The following MGAT5 variants were observed in gnomAD, a reference collection of about 807,000 sequenced individuals.
MGAT5 encodes alpha-1,6-mannosylglycoprotein 6-beta-N-acetylglucosaminyltransferase.
Under a neutral mutation model 94.3 loss-of-function variants are expected in MGAT5, and 30 were observed. The ratio of observed to expected loss-of-function variants is 0.32; its 90% CI spans 0.24 to 0.43. The LOEUF is 0.43. Among genes scored for constraint, MGAT5 ranks in the 20% least tolerant of loss-of-function variants. The pLI is 1.00. For synonymous variants in MGAT5, 310 were observed against 322.9 expected (o/e 0.96, Z 0.43); for missense variants, 691 against 905.5 (o/e 0.76, Z 3.04).
At chr2:134,340,303 T>C (rs779088901) in intron 6 of MGAT5, among the ~76,000 whole-genome samples, 2 of 152,162 alleles carry the variant, frequency 1.3e-5, no homozygotes, top group African/African-American at 2.4e-5. Flanking sequence ...AAGACAGAAG[T>C]TGTACCTGTT....
intron 1 of MGAT5, among the ~76,000 whole-genome samples, chr2:134,163,802 C>T (rs1475660414): frequency 6.6e-6 from 1 of 152,148 alleles, no homozygotes; most frequent in African/African-American, 2.4e-5. Flanking sequence ...CAGTTTGAGT[C>T]GAGGGGCTGT....
At chr2:134,197,569 T>C (rs1030087601) in intron 1 of MGAT5, among the ~76,000 whole-genome samples, 13 of 152,256 alleles carry the variant, frequency 8.5e-5, no homozygotes, top group African/African-American at 2.9e-4. Context: ...CTTGTTAGGC[T>C]AAGGAGGAAA....
chr2:134,274,563 C>T (rs747618), intron 2 of MGAT5, among the ~76,000 whole-genome samples: 16,602 of 151,940 alleles, frequency 0.11, 2,137 homozygotes, highest in African/African-American at 0.31. Flanking sequence ...TAGCTCTCTA[C>T]GGGGTAGTGT....
intron 14 of MGAT5, among the ~76,000 whole-genome samples, chr2:134,438,100 A>C (rs891120059): frequency 2.6e-5 from 4 of 152,190 alleles, no homozygotes; most frequent in Admixed American, 1.3e-4. Flanking sequence ...GCTGAGCACC[A>C]ACATGACACT....
intron 2 of MGAT5, among the ~76,000 whole-genome samples, chr2:134,291,352 ATAGCTAT>A (rs1209728463): frequency 6.6e-6 from 1 of 152,166 alleles, no homozygotes; most frequent in East Asian, 1.9e-4. Context: ...CAAGGAGAAG[ATAGCTAT>A]TAGCTAACCA....
At chr2:134,403,764 A>C (rs530183755) in intron 11 of MGAT5, among the ~76,000 whole-genome samples, 1 of 152,220 alleles carries the variant, frequency 6.6e-6, no homozygotes, top group African/African-American at 2.4e-5. Flanking sequence ...AAGCCAACCC[A>C]GCTAGTCTAA....
chr2:134,382,082 C>A (rs770327676), intron 10 of MGAT5, among the ~76,000 whole-genome samples: 8 of 151,986 alleles, frequency 5.3e-5, no homozygotes, highest in Non-Finnish European at 1.2e-4. Context: ...TGGAATCACC[C>A]GGAGAGCCAT....
chr2:134,377,414 C>T (rs1681253497), intron 10 of MGAT5, among the ~76,000 whole-genome samples: 1 of 152,152 alleles, frequency 6.6e-6, no homozygotes, highest in Non-Finnish European at 1.5e-5. Context: ...GATTCTTTCC[C>T]CCCATTATTT....
chr2:134,262,183 C>T (rs1683379273), intron 1 of MGAT5, among the ~76,000 whole-genome samples: 1 of 152,130 alleles, frequency 6.6e-6, no homozygotes, highest in African/African-American at 2.4e-5. Flanking sequence ...TATTAAGGCA[C>T]TTAGATTAAT....
chr2:134,186,136 A>G (rs1335536101), intron 1 of MGAT5, among the ~76,000 whole-genome samples: 1 of 152,258 alleles, frequency 6.6e-6, no homozygotes, highest in East Asian at 1.9e-4. Context: ...AGATTCCTCA[A>G]TCCTGCCTGT....
At chr2:134,444,274 G>A (rs1231900887) in intron 15 of MGAT5, among the ~76,000 whole-genome samples, 1 of 152,096 alleles carries the variant, frequency 6.6e-6, no homozygotes, top group African/African-American at 2.4e-5. Flanking sequence ...CCCCACCTCC[G>A]TATCCATGCA....
chr2:134,368,428 A>T (rs1337020103), intron 10 of MGAT5, among the ~76,000 whole-genome samples: 1 of 152,224 alleles, frequency 6.6e-6, no homozygotes, highest in East Asian at 1.9e-4. Flanking sequence ...CAACAACCAA[A>T]GTCAACCAGT....
intron 1 of MGAT5, among the ~76,000 whole-genome samples, chr2:134,147,415 T>G (rs536664567): frequency 1.3e-5 from 2 of 152,200 alleles, no homozygotes; most frequent in Admixed American, 6.5e-5. Flanking sequence ...TCCTAAGATA[T>G]TGGCATTCAT....
intron 1 of MGAT5, among the ~76,000 whole-genome samples, chr2:134,139,345 G>A (rs910039659): frequency 6.6e-6 from 1 of 152,188 alleles, no homozygotes; most frequent in Admixed American, 6.5e-5. Flanking sequence ...TAATAGTAAG[G>A]TGTGTAGATA....
chr2:134,125,762 G>A (rs748961106), intron 1 of MGAT5, among the ~76,000 whole-genome samples: 1 of 152,180 alleles, frequency 6.6e-6, no homozygotes, highest in Non-Finnish European at 1.5e-5. Flanking sequence ...GGTTGGTGTG[G>A]CCCAGTTCCC....
intron 1 of MGAT5, among the ~76,000 whole-genome samples, chr2:134,172,215 TG>T (rs1688243599): frequency 6.6e-6 from 1 of 152,208 alleles, no homozygotes; most frequent in African/African-American, 2.4e-5. Context: ...ATCATCATGG[TG>T]TCAGTGGAAG....
chr2:134,227,345 C>CT (rs1234584651), intron 1 of MGAT5, among the ~76,000 whole-genome samples: 2 of 152,158 alleles, frequency 1.3e-5, no homozygotes, highest in African/African-American at 4.8e-5. Context: ...GGATTGAGCT[C>CT]TGGGTATTGT....
At chr2:134,249,287 C>T (rs112770429), upstream of MGAT5, among the ~76,000 whole-genome samples, 4 of 150,634 alleles carry the variant, frequency 2.7e-5, no homozygotes. Context: ...CCTATTTAAA[C>T]GTATACAACT....
chr2:134,199,835 T>A (rs1347375151), intron 1 of MGAT5, among the ~76,000 whole-genome samples: 1 of 152,160 alleles, frequency 6.6e-6, no homozygotes, highest in African/African-American at 2.4e-5. Flanking sequence ...TTGTTGCTCA[T>A]GAGTTCTGTT....
Sources: allele counts gnomAD v4.1 joint callset (sites outside exome capture counted in the v4.1 genomes callset), GRCh38; gene constraint gnomAD v4.1.1; transcripts MANE v1.5; gene names NCBI Gene and HGNC (gene_info 2026-07-23, HGNC 2026-07-21).